The following TCERG1L variants were observed in gnomAD, a reference collection of about 807,000 sequenced individuals.
The protein encoded by TCERG1L is transcription elongation regulator 1-like protein.
In TCERG1L, 37 loss-of-function variants were observed where a neutral mutation model predicts 56.3. That is an observed-to-expected ratio of 0.66 (90% CI 0.51 to 0.87). TCERG1L has a LOEUF of 0.87. Ranked by LOEUF, TCERG1L falls within the 40% of genes least tolerant of loss-of-function variation. TCERG1L has a pLI of 0.00. For missense variants in TCERG1L, 799 were observed against 774.2 expected (o/e 1.03, Z -0.38); for synonymous variants, 324 against 326.3 (o/e 0.99, Z 0.08).
At chr10:131,277,614 G>A (rs755296420) in intron 3 of TCERG1L, among the ~76,000 whole-genome samples, 7 of 152,208 alleles carry the variant, frequency 4.6e-5, no homozygotes, top group East Asian at 1.9e-4. Flanking sequence ...TCAGGTTCTC[G>A]TCTGGGGAGC....
intron 4 of TCERG1L, among the ~76,000 whole-genome samples, chr10:131,234,313 G>C (rs1295686469): frequency 6.6e-6 from 1 of 152,198 alleles, no homozygotes; most frequent in Non-Finnish European, 1.5e-5. Flanking sequence ...TTCATAGTAA[G>C]ATAGGCTAAT....
At chr10:131,187,379 C>T (rs1007293423) in intron 4 of TCERG1L, among the ~76,000 whole-genome samples, 11 of 152,296 alleles carry the variant, frequency 7.2e-5, no homozygotes, top group African/African-American at 2.6e-4. Context: ...GAGAAGTTTG[C>T]CCTCCAGACT....
chr10:131,243,339 TG>T (rs1323959111), intron 4 of TCERG1L, among the ~76,000 whole-genome samples: 1 of 152,146 alleles, frequency 6.6e-6, no homozygotes, highest in East Asian at 1.9e-4. Flanking sequence ...CCCAGCATTC[TG>T]GGAGGCCGAG....
At chr10:131,154,497 G>A (rs1302163893) in intron 6 of TCERG1L, among the ~76,000 whole-genome samples, 1 of 152,220 alleles carries the variant, frequency 6.6e-6, no homozygotes, top group Non-Finnish European at 1.5e-5. Context: ...CGGGCCACCA[G>A]GGCTGAGCTC....
intron 4 of TCERG1L, among the ~76,000 whole-genome samples, chr10:131,251,893 T>C (rs547236678): frequency 1.1e-4 from 17 of 152,300 alleles, no homozygotes; most frequent in African/African-American, 3.6e-4. Flanking sequence ...CCGAACTATT[T>C]TACCTTCCCA....
chr10:131,158,070 A>G (rs10829936), intron 6 of TCERG1L, among the ~76,000 whole-genome samples: 38,409 of 152,192 alleles, frequency 0.25, 5,291 homozygotes, highest in Middle Eastern at 0.37. Flanking sequence ...GCGTCTGGCC[A>G]CCTCTCGGCA....
At chr10:131,222,702 G>A (rs938804620) in intron 4 of TCERG1L, among the ~76,000 whole-genome samples, 4 of 152,194 alleles carry the variant, frequency 2.6e-5, no homozygotes, top group African/African-American at 9.6e-5. Context: ...CTATGTCTAA[G>A]CAGTCACGGC....
intron 4 of TCERG1L, among the ~76,000 whole-genome samples, chr10:131,179,373 C>T (rs1418674556): frequency 2.0e-5 from 3 of 152,220 alleles, no homozygotes; most frequent in Admixed American, 2.0e-4. Context: ...GCCTTTTAAA[C>T]TTTTCTTTCA....
chr10:131,262,325 G>C (rs1202625759), intron 3 of TCERG1L, among the ~76,000 whole-genome samples: 1 of 152,132 alleles, frequency 6.6e-6, no homozygotes, highest in African/African-American at 2.4e-5. Flanking sequence ...ATCCAGGCTA[G>C]AGCTAGACAT....
intron 4 of TCERG1L, among the ~76,000 whole-genome samples, chr10:131,192,223 C>A (rs1163655187): frequency 7.5e-6 from 1 of 132,950 alleles, no homozygotes; most frequent in Non-Finnish European, 1.6e-5. Flanking sequence ...AAAACATGAA[C>A]AGACATTTCT....
rs529201668 is a variant in TCERG1L, at chr10:131,098,958, C to T, written c.1486-534G>A. Among the ~76,000 whole-genome samples the T allele has an allele frequency of 1.4e-3, 219 of 152,286 alleles. 1 individual carries two copies. The highest frequency in any genetic ancestry group is 2.4e-3 in the Non-Finnish European group (162 of 68,002). ...ACTTGTGGAAAGAAAGTAAATTCTGCATCTCTGATCCCCACTTGTGAACCT... is the reference window on the plus strand; with the variant it reads ...ACTTGTGGAAAGAAAGTAAATTCTGTATCTCTGATCCCCACTTGTGAACCT... On this transcript the variant is annotated intron_variant, in intron 10 of 11. Transcript: ENST00000368642.
At chr10:131,200,455 A>T (rs1434078255) in intron 4 of TCERG1L, among the ~76,000 whole-genome samples, 3 of 152,150 alleles carry the variant, frequency 2.0e-5, no homozygotes. Context: ...TGCCATTTGC[A>T]TTGTTGGGTA....
At chr10:131,166,756 G>A (rs1846034893) in intron 5 of TCERG1L, 41 bp downstream of exon 5, 1 of 1,601,606 alleles carries the variant, frequency 6.2e-7, no homozygotes, top group Non-Finnish European at 8.6e-7. Flanking sequence ...CCACACCCAG[G>A]GTTTTGTGTC....
intron 4 of TCERG1L, among the ~76,000 whole-genome samples, chr10:131,202,552 G>A (rs1011618898): frequency 1.3e-5 from 2 of 152,134 alleles, no homozygotes; most frequent in African/African-American, 4.8e-5. Context: ...CTGCACTCCA[G>A]CCTGGGTGAC....
chr10:131,211,020 C>T lies in TCERG1L; in HGVS notation c.857-44135G>A, dbSNP rs1156842192. ...AAAATCAAACGTCTAAGGACATTGT[C>T]CCATCTCCCCTTCTGTCTCACCCAC... On this transcript the variant is annotated intron_variant, in intron 4 of 11. Coordinates refer to ENST00000368642, the MANE Select transcript of TCERG1L (RefSeq NM_174937.4). 3.3e-5 allele frequency among the ~76,000 whole-genome samples: 5 copies of T among 152,238 alleles called. No individual in the cohort carries two copies. In the East Asian group the frequency reaches 5.8e-4, roughly 18 times the overall value.
At chr10:131,256,988 G>GGAAGGAAGAAA (rs1846172377) in intron 4 of TCERG1L, among the ~76,000 whole-genome samples, 2 of 72,938 alleles carry the variant, frequency 2.7e-5, no homozygotes, top group African/African-American at 1.0e-4. Flanking sequence ...AAGGAAGGAA[G>GGAAGGAAGAAA]GAAGGAAAGA....
rs1845478456 is a variant in TCERG1L at position 131,118,186 on chromosome 10, A to G, written c.1260-1252T>C. Among the ~76,000 whole-genome samples, 5 of 152,308 alleles carry G rather than the reference A, an allele frequency of 3.3e-5. No individual in the cohort carries two copies. In the South Asian group the frequency reaches 1.0e-3, roughly 32 times the overall value. ...GCACTTAGGTCAACCTCAGCCAGCAATCATGAAGAGCAGTCCGCTCACAAG... is the reference window on the plus strand; with the variant it reads ...GCACTTAGGTCAACCTCAGCCAGCAGTCATGAAGAGCAGTCCGCTCACAAG... On this transcript the variant is annotated intron_variant, in intron 8 of 11. Coordinates refer to ENST00000368642, the MANE Select transcript of TCERG1L (RefSeq NM_174937.4). This position sits in a 1 kb window ranked among gnomAD's most constrained non-coding sequence, Gnocchi z 4.2.
At chr10:131,229,908 A>C (rs1263197850) in intron 4 of TCERG1L, among the ~76,000 whole-genome samples, 1 of 152,214 alleles carries the variant, frequency 6.6e-6, no homozygotes, top group Non-Finnish European at 1.5e-5. Context: ...GCTGAGGAGA[A>C]CGTGATTTTG....
intron 4 of TCERG1L, among the ~76,000 whole-genome samples, chr10:131,202,719 C>T (rs1475157393): frequency 6.6e-6 from 1 of 152,180 alleles, no homozygotes; most frequent in African/African-American, 2.4e-5. Context: ...AATCCATAGG[C>T]TTGCATGGAA....
Sources: allele counts gnomAD v4.1 joint callset (sites outside exome capture counted in the v4.1 genomes callset), GRCh38; gene constraint gnomAD v4.1.1; non-coding constraint Gnocchi (gnomAD v3.1); transcripts MANE v1.5; gene names NCBI Gene and HGNC (gene_info 2026-07-23, HGNC 2026-07-21).